Variants in PALLD observed in about 807,000 individuals in gnomAD.
The protein encoded by PALLD is palladin, cytoskeletal associated protein.
A neutral mutation model predicts 123.5 loss-of-function variants in PALLD; 61 were observed. The observed-to-expected ratio is 0.49, with a 90% CI of 0.40 to 0.61. The LOEUF (loss-of-function observed/expected upper bound fraction) is 0.61. Among genes scored for constraint, PALLD ranks in the 20% least tolerant of loss-of-function variants. The pLI, the probability that PALLD is intolerant of heterozygous loss-of-function variation, is 0.00. For missense variants in PALLD, 1,273 were observed against 1,377.0 expected, an observed-to-expected ratio of 0.92 and a Z score of 1.20; for synonymous variants, 465 against 496.4, an observed-to-expected ratio of 0.94 and a Z score of 0.84.
rs114660440 is a variant in PALLD, at chr4:168,678,328, G to A, written c.1088-3004G>A. Among the ~76,000 whole-genome samples the A allele has an allele frequency of 6.0e-3, 914 of 152,142 alleles. 13 individuals carry two copies. Among genetic ancestry groups the A allele is most frequent in the African/African-American group, 0.02 (842 of 41,510 alleles). ...AAATGAGGTAAAGTGCCCAGCAGAC[G>A]CCGGGCACATAGGACATATGCAAAA... On this transcript the variant is annotated intron_variant, in intron 3 of 21. Coordinates refer to ENST00000505667, the MANE Select transcript of PALLD (RefSeq NM_001166108.2).
intron 10 of PALLD, among the ~76,000 whole-genome samples, chr4:168,725,528 T>TC (rs1561451127): frequency 3.6e-5 from 5 of 137,900 alleles, no homozygotes; most frequent in African/African-American, 5.4e-5. Context: ...ATTTCTTTTT[T>TC]TTTTTTTTTT....
chr4:168,715,904 A>G (rs1055887557), intron 10 of PALLD, among the ~76,000 whole-genome samples: 1 of 150,090 alleles, frequency 6.7e-6, no homozygotes, highest in Non-Finnish European at 1.5e-5. Flanking sequence ...GAGCCGAGAT[A>G]GCGCCACTGC....
At chr4:168,791,675 C>T (rs551693939) in intron 10 of PALLD, among the ~76,000 whole-genome samples, 2 of 152,332 alleles carry the variant, frequency 1.3e-5, no homozygotes, top group East Asian at 3.9e-4. Flanking sequence ...GGTGGCGACA[C>T]AGCCAAACCA....
intron 10 of PALLD, among the ~76,000 whole-genome samples, chr4:168,744,645 A>G (rs1788682057): frequency 6.6e-6 from 1 of 152,228 alleles, no homozygotes; most frequent in Non-Finnish European, 1.5e-5. Context: ...GGTGGCAAAG[A>G]GGACAATTCA....
At position 168,660,925 on chromosome 4, in the gene PALLD, GAC is replaced by G. The variant is rs537040855; in HGVS notation, c.909-7263_909-7262del. Among the ~76,000 whole-genome samples, 88 of 148,722 alleles carry G rather than the reference GAC, an allele frequency of 5.9e-4. 1 individual carries two copies. Among genetic ancestry groups the G allele is most frequent in the Non-Finnish European group, 1.0e-3 (70 of 67,426 alleles). On this transcript the variant is annotated intron_variant, in intron 2 of 21. Transcript: ENST00000505667. ...CTTTTTTTTTTTTCCTTTTTTTTGAGACAGAGTCTCGCTCTGTCACCCAGGCT... is the reference window on the plus strand; with the variant it reads ...CTTTTTTTTTTTTCCTTTTTTTTGAGAGAGTCTCGCTCTGTCACCCAGGCT...
chr4:168,665,989 A>C (rs976454802), intron 2 of PALLD, among the ~76,000 whole-genome samples: 2 of 152,296 alleles, frequency 1.3e-5, no homozygotes, highest in East Asian at 3.9e-4. Context: ...AAAAAAAAAA[A>C]ACCTTATTTA....
chr4:168,796,655 G>T (rs914801322), intron 10 of PALLD, among the ~76,000 whole-genome samples: 1 of 152,146 alleles, frequency 6.6e-6, no homozygotes, highest in African/African-American at 2.4e-5. Context: ...TATTCAAATG[G>T]CATATCTTCT....
intron 10 of PALLD, among the ~76,000 whole-genome samples, chr4:168,753,715 T>A (rs1045031991): frequency 2.0e-5 from 3 of 152,170 alleles, no homozygotes; most frequent in African/African-American, 7.2e-5. Context: ...AGATAGGAAC[T>A]GGGGCCTCCC....
At chr4:168,732,792 A>G (rs1787311318) in intron 10 of PALLD, among the ~76,000 whole-genome samples, 1 of 152,352 alleles carries the variant, frequency 6.6e-6, no homozygotes, top group East Asian at 1.9e-4. Context: ...ACAGATTTTT[A>G]TACAATCCGA....
intron 1 of PALLD, among the ~76,000 whole-genome samples, chr4:168,499,773 T>C (rs2149389003): frequency 1.3e-5 from 2 of 152,344 alleles, no homozygotes; most frequent in Middle Eastern, 3.4e-3. Flanking sequence ...TATGGGAATT[T>C]AGCTATTCCA....
chr4:168,682,941 AC>A, intron 4 of PALLD, 56 bp from the exon 5 acceptor site: 11 of 1,049,278 alleles, frequency 1.0e-5, no homozygotes, highest in East Asian at 7.3e-5. Flanking sequence ...AAAAAAAAAA[AC>A]AAAAAAACGA....
Position 168,807,533 on chromosome 4 carries a change from C to T in PALLD, c.1965-83389C>T, listed in dbSNP as rs150258855. Among the ~76,000 whole-genome samples the T allele has an allele frequency of 8.7e-4, 132 of 152,220 alleles. 1 individual carries two copies. The East Asian group carries it at 0.021, about 25-fold the overall frequency. On this transcript the variant is annotated intron_variant, in intron 10 of 21. Transcript: ENST00000505667. ...CGTGCGATTCTACTGCCTCGGCCTC[C>T]TGAATAGCTGAGATTACAGGCAAGC...
intron 13 of PALLD, among the ~76,000 whole-genome samples, chr4:168,897,479 C>T (rs1195115864): frequency 1.3e-5 from 2 of 152,156 alleles, no homozygotes; most frequent in East Asian, 1.9e-4. Flanking sequence ...CAGGGTCTCA[C>T]TCTTTTGCCC....
chr4:168,719,700 A>G lies in PALLD; in HGVS notation c.1964+7777A>G, dbSNP rs114723456. ...CTGGGCAATAAGCATAGTACCCAAT[A>G]GATAATTTTTCTGATCCTCTCCCTC... is the stretch of plus-strand genomic sequence containing the variant. On this transcript the variant is annotated intron_variant, in intron 10 of 21. Transcript: ENST00000505667. Among the ~76,000 whole-genome samples, 380 of 152,310 alleles carry G rather than the reference A, an allele frequency of 2.5e-3. 1 individual carries two copies. Among genetic ancestry groups the G allele is most frequent in the African/African-American group, 8.9e-3 (369 of 41,568 alleles).
intron 10 of PALLD, among the ~76,000 whole-genome samples, chr4:168,871,993 C>T (rs984220019): frequency 6.6e-6 from 1 of 152,188 alleles, no homozygotes; most frequent in Non-Finnish European, 1.5e-5. Flanking sequence ...ATCTGGAAGC[C>T]AGCGGCAGGA....
intron 10 of PALLD, among the ~76,000 whole-genome samples, chr4:168,819,491 C>T (rs1353206528): frequency 2.6e-5 from 4 of 152,136 alleles, no homozygotes; most frequent in Non-Finnish European, 5.9e-5. Context: ...ATCAGGATCT[C>T]CTTCTAAAGC....
At position 168,735,123 on chromosome 4, in the gene PALLD, A is replaced by C. The variant is rs7679667; in HGVS notation, c.1964+23200A>C. Among the ~76,000 whole-genome samples the C allele has an allele frequency of 6.1e-3, 922 of 152,234 alleles. 8 individuals carry two copies. The highest frequency in any genetic ancestry group is 0.021 in the African/African-American group (859 of 41,520). The stretch of plus-strand genomic sequence containing the variant: ...AAGAGCTCTTGCAATATAATATTTG[A>C]TTCTGTTTGCCCCCTAAACAATGTC... On this transcript the variant is annotated intron_variant, in intron 10 of 21. Coordinates refer to ENST00000505667, the MANE Select transcript of PALLD (RefSeq NM_001166108.2).
chr4:168,535,011 A>G (rs972767397), intron 2 of PALLD, among the ~76,000 whole-genome samples: 3 of 152,188 alleles, frequency 2.0e-5, no homozygotes, highest in African/African-American at 7.2e-5. Flanking sequence ...TTTTCTTGTC[A>G]TTATTCCTTA....
At chr4:168,513,930 C>A (rs1206639027) in intron 2 of PALLD, among the ~76,000 whole-genome samples, 1 of 151,854 alleles carries the variant, frequency 6.6e-6, no homozygotes, top group Non-Finnish European at 1.5e-5. Flanking sequence ...CATGGTGAAA[C>A]CCCCTCTCTA....
Sources: gnomAD v4.1 joint callset for allele counts (sites outside exome capture counted in the v4.1 genomes callset) on GRCh38, gnomAD v4.1.1 for gene constraint, MANE v1.5 for transcripts, NCBI Gene and HGNC (gene_info 2026-07-23, HGNC 2026-07-21) for gene names.